Variants in LRRC4C observed in about 807,000 individuals in gnomAD.
The protein encoded by LRRC4C is leucine rich repeat containing 4C, also known as leucine-rich repeat-containing protein 4C.
In LRRC4C, 5 loss-of-function variants were observed where a neutral mutation model predicts 33.6. The ratio of observed to expected loss-of-function variants is 0.15; its 90% CI spans 0.08 to 0.31. The LOEUF is 0.31. Among genes scored for constraint, LRRC4C ranks in the 10% least tolerant of loss-of-function variants. The pLI, the probability that LRRC4C is intolerant of heterozygous loss-of-function variation, is 1.00. For missense variants in LRRC4C, 560 were observed against 796.7 expected (o/e 0.70, Z 3.58); for synonymous variants, 329 against 302.0 (o/e 1.09, Z -0.93).
At chr11:40,218,628 A>C (rs1864157920) in intron 5 of LRRC4C, among the ~76,000 whole-genome samples, 1 of 142,070 alleles carries the variant, frequency 7.0e-6, no homozygotes, top group African/African-American at 2.9e-5. Flanking sequence ...GTATGTATGT[A>C]TGTATGTATC....
intron 5 of LRRC4C, among the ~76,000 whole-genome samples, chr11:40,163,530 A>G (rs1308343246): frequency 6.6e-6 from 1 of 152,182 alleles, no homozygotes; most frequent in Non-Finnish European, 1.5e-5. Flanking sequence ...GAAACTAAAA[A>G]TAATTATTTA....
At chr11:40,410,624 G>C (rs747961339) in intron 3 of LRRC4C, among the ~76,000 whole-genome samples, 11 of 151,986 alleles carry the variant, frequency 7.2e-5, no homozygotes, top group Non-Finnish European at 1.2e-4. Flanking sequence ...TGGTTTGCTG[G>C]GTTGGGTGTC....
At chr11:40,191,339 G>C (rs1245533920) in intron 5 of LRRC4C, among the ~76,000 whole-genome samples, 1 of 152,164 alleles carries the variant, frequency 6.6e-6, no homozygotes, top group East Asian at 1.9e-4. Flanking sequence ...TACTGTAGAT[G>C]TTTCACCTTC....
chr11:40,934,822 A>C, intron 1 of LRRC4C, among the ~76,000 whole-genome samples: 1 of 152,148 alleles, frequency 6.6e-6, no homozygotes, highest in South Asian at 2.1e-4. Context: ...CCAACTCTCT[A>C]CTTGTTCTAC....
chr11:41,144,012 T>C (rs953464843), intron 1 of LRRC4C, among the ~76,000 whole-genome samples: 10 of 152,188 alleles, frequency 6.6e-5, no homozygotes, highest in Non-Finnish European at 1.3e-4. Flanking sequence ...ACTAAGAAGA[T>C]GCCACGTGCT....
At chr11:40,262,864 G>A (rs1196623900) in intron 4 of LRRC4C, among the ~76,000 whole-genome samples, 1 of 151,982 alleles carries the variant, frequency 6.6e-6, no homozygotes, top group African/African-American at 2.4e-5. Flanking sequence ...ATAGCATTAG[G>A]AGAAACCTCT....
At chr11:41,152,048 A>G (rs1944022131) in intron 1 of LRRC4C, among the ~76,000 whole-genome samples, 1 of 152,146 alleles carries the variant, frequency 6.6e-6, no homozygotes, top group South Asian at 2.1e-4. Context: ...AACTTCATGG[A>G]CCACGAACTC....
At chr11:41,384,302 TTTA>T (rs1209788063) in intron 1 of LRRC4C, among the ~76,000 whole-genome samples, 1 of 151,920 alleles carries the variant, frequency 6.6e-6, no homozygotes, top group Non-Finnish European at 1.5e-5. Flanking sequence ...GCTAGTCTCT[TTTA>T]TTTAGTTGTA....
chr11:40,725,526 A>G (rs1048512356), intron 2 of LRRC4C, among the ~76,000 whole-genome samples: 13 of 152,092 alleles, frequency 8.5e-5, no homozygotes, highest in South Asian at 4.1e-4. Flanking sequence ...AAAAAAAAAA[A>G]AAGAAGAAGA....
chr11:41,233,967 C>CTTTTTT (rs34427207), intron 1 of LRRC4C, among the ~76,000 whole-genome samples: 1 of 140,342 alleles, frequency 7.1e-6, no homozygotes, highest in Non-Finnish European at 1.6e-5. Flanking sequence ...TCTCCAAAAG[C>CTTTTTT]TTTTTTTTTT....
chr11:40,219,124 C>T (rs951590679), intron 5 of LRRC4C, among the ~76,000 whole-genome samples: 2 of 152,160 alleles, frequency 1.3e-5, no homozygotes, highest in African/African-American at 2.4e-5. Context: ...TTCTCAGATG[C>T]GGTAGCCACT....
intron 4 of LRRC4C, among the ~76,000 whole-genome samples, chr11:40,242,141 CT>C (rs1275991411): frequency 6.6e-6 from 1 of 152,154 alleles, no homozygotes; most frequent in Non-Finnish European, 1.5e-5. Flanking sequence ...ATTTTAGCAT[CT>C]TTTAATCAGC....
chr11:40,341,227 C>T (rs567120437), intron 3 of LRRC4C, among the ~76,000 whole-genome samples: 1 of 152,278 alleles, frequency 6.6e-6, no homozygotes, highest in South Asian at 2.1e-4. Flanking sequence ...CAGCTTCATC[C>T]TTGTCCCTTA....
intron 1 of LRRC4C, among the ~76,000 whole-genome samples, chr11:41,136,571 C>T (rs187993117): frequency 2.8e-4 from 42 of 152,142 alleles, no homozygotes; most frequent in African/African-American, 9.1e-4. Context: ...GATATCTTTC[C>T]GACAGCAGTT....
intron 3 of LRRC4C, among the ~76,000 whole-genome samples, chr11:40,357,805 C>G (rs964132242): frequency 1.3e-5 from 2 of 152,120 alleles, no homozygotes; most frequent in African/African-American, 4.8e-5. Context: ...AAGGTTGTAA[C>G]ATCCTGGGCA....
At chr11:40,376,938 T>C (rs1305244125) in intron 3 of LRRC4C, among the ~76,000 whole-genome samples, 1 of 152,182 alleles carries the variant, frequency 6.6e-6, no homozygotes, top group East Asian at 1.9e-4. Context: ...TCATATATCA[T>C]GTTGCTTTGC....
chr11:41,243,601 C>T (rs1222779444), intron 1 of LRRC4C, among the ~76,000 whole-genome samples: 2 of 152,118 alleles, frequency 1.3e-5, no homozygotes, highest in Non-Finnish European at 2.9e-5. Flanking sequence ...CCTTAAAAGT[C>T]AATGGGAACC....
intron 4 of LRRC4C, among the ~76,000 whole-genome samples, chr11:40,250,903 C>T (rs765742876): frequency 2.6e-5 from 4 of 152,136 alleles, no homozygotes; most frequent in Admixed American, 2.0e-4. Context: ...GATCTTTTCT[C>T]GCCTCAGTAG....
At chr11:41,097,044 A>G (rs958189716) in intron 1 of LRRC4C, among the ~76,000 whole-genome samples, 3 of 152,146 alleles carry the variant, frequency 2.0e-5, no homozygotes, top group South Asian at 2.1e-4. Flanking sequence ...TACCCACTGA[A>G]GCATATTGCT....
Sources: allele counts gnomAD v4.1 joint callset (sites outside exome capture counted in the v4.1 genomes callset), GRCh38; gene constraint gnomAD v4.1.1; transcripts MANE v1.5; gene names NCBI Gene and HGNC (gene_info 2026-07-23, HGNC 2026-07-21).